The following TMEM143 variants were observed in gnomAD, a reference collection of about 807,000 sequenced individuals.
TMEM143 encodes the protein transmembrane protein 143.
A neutral mutation model predicts 40.3 loss-of-function variants in TMEM143; 45 were observed. That is an observed-to-expected ratio of 1.12 (90% CI 0.88 to 1.43). The LOEUF is 1.43. Ranked by LOEUF, TMEM143 falls within the 40% of genes most tolerant of loss-of-function variation. The pLI, the probability that TMEM143 is intolerant of heterozygous loss-of-function variation, is 0.00. For synonymous variants in TMEM143, 299 were observed against 282.7 expected (o/e 1.06, Z -0.58); for missense variants, 620 against 613.4 (o/e 1.01, Z -0.11).
chr19:48,349,184 C>T (rs1417353323), intron 3 of TMEM143, among the ~76,000 whole-genome samples: 1 of 151,564 alleles, frequency 6.6e-6, no homozygotes, highest in South Asian at 2.1e-4. Context: ...AGAGAAGACC[C>T]TGTCTTCAAA....
At chr19:48,345,780 T>A (rs1255403493) in intron 3 of TMEM143, among the ~76,000 whole-genome samples, 1 of 150,398 alleles carries the variant, frequency 6.6e-6, no homozygotes, top group Non-Finnish European at 1.5e-5. Context: ...CTGTGTTTTT[T>A]TGTGTTTTGT....
chr19:48,335,284 A>G (rs1022585804), intron 6 of TMEM143, among the ~76,000 whole-genome samples: 2 of 152,208 alleles, frequency 1.3e-5, no homozygotes, highest in East Asian at 1.9e-4. Context: ...ATGGTTTAAA[A>G]TATTAAACTG....
chr19:48,334,121 G>C lies in TMEM143; in HGVS notation c.1052C>G (p.Ser351Trp). Residue 351 changes from serine to tryptophan, a missense_variant, in exon 7 of 8, where the codon TCG becomes TGG. Transcript: ENST00000293261. The part of the protein sequence containing the change: ...MLYYRSTSNN[S>W]ELLSALALRA... ...CAGGGCCAGGGCGCTGAGCAGCTCC[G>C]AGTTGTTGGACGTACTGCGATAGTA... 1.2e-6 allele frequency: 2 copies of C among 1,605,530 alleles called. No individual in the cohort carries two copies. Among genetic ancestry groups the C allele is most frequent in the Non-Finnish European group, 1.7e-6 (2 of 1,176,676 alleles).
intron 3 of TMEM143, among the ~76,000 whole-genome samples, chr19:48,352,359 A>T (rs1969797691): frequency 6.6e-6 from 1 of 150,438 alleles, no homozygotes; most frequent in African/African-American, 2.4e-5. Context: ...GCTGGAATGC[A>T]GTGCTGCAAT....
At chr19:48,344,783 T>C (rs1969583492) in intron 4 of TMEM143, among the ~76,000 whole-genome samples, 1 of 152,164 alleles carries the variant, frequency 6.6e-6, no homozygotes, top group African/African-American at 2.4e-5. Context: ...CTCAGCTCAC[T>C]GCAACTTCCA....
At chr19:48,349,183 C>G (rs471736) in intron 3 of TMEM143, among the ~76,000 whole-genome samples, 3 of 151,890 alleles carry the variant, frequency 2.0e-5, no homozygotes, top group African/African-American at 7.3e-5. Context: ...CAGAGAAGAC[C>G]CTGTCTTCAA....
intron 3 of TMEM143, among the ~76,000 whole-genome samples, chr19:48,357,448 G>A (rs1310352127): frequency 6.7e-6 from 1 of 150,300 alleles, no homozygotes; most frequent in Non-Finnish European, 1.5e-5. Context: ...CCGCCTCCCG[G>A]GTTCACGTCA....
At chr19:48,334,523 C>G (rs1231058671) in intron 6 of TMEM143, among the ~76,000 whole-genome samples, 1 of 130,814 alleles carries the variant, frequency 7.6e-6, no homozygotes. Context: ...CTTTCTTTCT[C>G]TTTCTTTCTT....
At chr19:48,340,121 ATT>A (rs11369636) in intron 6 of TMEM143, among the ~76,000 whole-genome samples, 25,063 of 97,770 alleles carry the variant, frequency 0.26, 1,710 homozygotes, top group Middle Eastern at 0.35. Context: ...GTCAACTGGG[ATT>A]TTTTTTTTTT....
At chr19:48,340,121 A>ATTTTTTTTTTTTTTTTTTTTT (rs11369636) in intron 6 of TMEM143, among the ~76,000 whole-genome samples, 1 of 98,572 alleles carries the variant, frequency 1.0e-5, no homozygotes. Context: ...GTCAACTGGG[A>ATTTTTTTTTTTTTTTTTTTTT]TTTTTTTTTT....
At chr19:48,357,226 G>A (rs1301780199) in intron 3 of TMEM143, among the ~76,000 whole-genome samples, 1 of 151,882 alleles carries the variant, frequency 6.6e-6, no homozygotes, top group Non-Finnish European at 1.5e-5. Context: ...CAAAGTGCTA[G>A]GATTACAGGC....
At chr19:48,347,978 G>GCCACT (rs1442572761) in intron 3 of TMEM143, among the ~76,000 whole-genome samples, 29 of 144,308 alleles carry the variant, frequency 2.0e-4, no homozygotes, top group African/African-American at 6.6e-4. Context: ...CCATGATCGT[G>GCCACT]CCACTCCACT....
At chr19:48,334,412 TTCTCTC>T (rs977142026) in intron 6 of TMEM143, among the ~76,000 whole-genome samples, 1 of 110,846 alleles carries the variant, frequency 9.0e-6, no homozygotes, top group South Asian at 3.0e-4. Context: ...TTCTTTCTTT[TTCTCTC>T]TTTCTTTCTT....
chr19:48,334,129 G>A lies in TMEM143; in HGVS notation c.1044C>T (p.Ser348=), dbSNP rs1440298989. ...GGGCGCTGAGCAGCTCCGAGTTGTTGGACGTACTGCGATAGTACAGCATGT... is the reference window on the plus strand; with the variant it reads ...GGGCGCTGAGCAGCTCCGAGTTGTTAGACGTACTGCGATAGTACAGCATGT... The part of the protein sequence containing the change: ...LAHMLYYRST[S]NNSELLSALA... The change falls in exon 7 of 8, where the codon TCC becomes TCT. Residue 348 remains serine, a synonymous_variant. Transcript: ENST00000293261. The A allele has an allele frequency of 6.2e-7, 1 of 1,607,212 alleles. No homozygotes were observed. Among genetic ancestry groups the A allele is most frequent in the South Asian group, 1.1e-5 (1 of 89,980 alleles).
Position 48,353,914 on chromosome 19 carries a change from T to G in TMEM143, c.369+6158A>C, listed in dbSNP as rs574796907. 4.0e-5 allele frequency among the ~76,000 whole-genome samples: 6 copies of G among 151,824 alleles called. No individual in the cohort carries two copies. In the South Asian group the frequency reaches 1.2e-3, roughly 32 times the overall value. On this transcript the variant is annotated intron_variant, in intron 3 of 7. Coordinates refer to ENST00000293261, the MANE Select transcript of TMEM143 (RefSeq NM_018273.4). ...AGGAAGCCAGGAGAGACACCATAGATGCTTCCCTCTCAGGGCCTCCACAAG... is the reference window on the plus strand; with the variant it reads ...AGGAAGCCAGGAGAGACACCATAGAGGCTTCCCTCTCAGGGCCTCCACAAG...
chr19:48,359,277 C>T (rs1241544458), intron 3 of TMEM143, among the ~76,000 whole-genome samples: 1 of 152,098 alleles, frequency 6.6e-6, no homozygotes, highest in Admixed American at 6.6e-5. Flanking sequence ...CCCACCCTCC[C>T]CGCACATTCA....
chr19:48,345,445 C>CATTTATTTATTTATTTATTT lies in TMEM143; in HGVS notation c.370-111_370-92dup, dbSNP rs146325765. On this transcript the variant is annotated intron_variant, in intron 3 of 7. Coordinates refer to ENST00000293261, the MANE Select transcript of TMEM143 (RefSeq NM_018273.4). The stretch of plus-strand genomic sequence containing the variant: ...AAGGACATCCCTCTCCAGATACTTT[C>CATTTATTTATTTATTTATTT]ATTTATTTATTTATTTATTTATTTA... The CATTTATTTATTTATTTATTT allele has an allele frequency of 2.6e-3, 1,661 of 642,032 alleles. 25 individuals are homozygous for CATTTATTTATTTATTTATTT. The African/African-American group carries it at 0.029, about 11-fold the overall frequency. The allele number at this position is 642,032 out of a possible 1,614,324, so 39.8% of individuals were successfully genotyped here.
At chr19:48,352,825 C>A (rs1969807065) in intron 3 of TMEM143, among the ~76,000 whole-genome samples, 1 of 151,906 alleles carries the variant, frequency 6.6e-6, no homozygotes, top group African/African-American at 2.4e-5. Context: ...CTATGTTGTC[C>A]AAGCTGGTCT....
In TMEM143 at chr19:48,342,436, G is replaced by A. The variant is rs555351893; in HGVS notation, c.975+94C>T. Reference sequence around the variant, plus strand: ...AGGGAGGGAGGGAGGAGAGCATGACGCAGGAACAATGCATGAAACAGAGAC... The same window carrying A: ...AGGGAGGGAGGGAGGAGAGCATGACACAGGAACAATGCATGAAACAGAGAC... On this transcript the variant is annotated intron_variant, in intron 6 of 7. Transcript: ENST00000293261. The A allele has an allele frequency of 4.9e-6, 7 of 1,436,594 alleles. No homozygotes were observed. The South Asian group carries it at 5.4e-5, about 11-fold the overall frequency. 89.0% of individuals were successfully genotyped at this position (1,436,594 alleles called of 1,614,324 possible). A position where few individuals can be genotyped will look rare whatever the true frequency, so the allele number is the denominator to read the frequency against.
Sources: gnomAD v4.1 joint callset for allele counts (sites outside exome capture counted in the v4.1 genomes callset) on GRCh38, gnomAD v4.1.1 for gene constraint, MANE v1.5 for transcripts, NCBI Gene and HGNC (gene_info 2026-07-23, HGNC 2026-07-21) for gene names.